The following ULK4 variants were observed in gnomAD, a reference collection of about 807,000 sequenced individuals.
ULK4 encodes unc-51 like kinase 4, also known as inactive serine/threonine-protein kinase ULK4.
Under a neutral mutation model 160.6 loss-of-function variants are expected in ULK4, and 133 were observed. The observed-to-expected ratio is 0.83, with a 90% CI of 0.72 to 0.96. The LOEUF is 0.96. ULK4 is among the 40% of genes least tolerant of loss of function. ULK4 has a pLI of 0.00. For synonymous variants in ULK4, 534 were observed against 539.8 expected (o/e 0.99, Z 0.15); for missense variants, 1,580 against 1,499.5 (o/e 1.05, Z -0.89).
intron 7 of ULK4, among the ~76,000 whole-genome samples, chr3:41,917,403 T>C (rs77047799): frequency 0.13 from 19,343 of 152,008 alleles, 1,405 homozygotes; most frequent in Middle Eastern, 0.27. Flanking sequence ...ACTTGGGAGG[T>C]TGACTGCACC....
chr3:41,442,089 A>G (rs1438563364), intron 34 of ULK4, among the ~76,000 whole-genome samples: 1 of 152,204 alleles, frequency 6.6e-6, no homozygotes, highest in Non-Finnish European at 1.5e-5. Context: ...TAAGCAGTAT[A>G]TAGTTGGGTC....
intron 27 of ULK4, among the ~76,000 whole-genome samples, chr3:41,694,285 CG>C (rs1330604036): frequency 6.6e-6 from 1 of 152,130 alleles, no homozygotes. Flanking sequence ...TACGTATAGC[CG>C]TCCCTCAGTA....
chr3:41,652,691 C>T (rs2125742217), intron 30 of ULK4, among the ~76,000 whole-genome samples: 1 of 152,268 alleles, frequency 6.6e-6, no homozygotes, highest in African/African-American at 2.4e-5. Flanking sequence ...CAGGCGGAAA[C>T]AGGAGAATCA....
intron 8 of ULK4, 47 bp downstream of exon 8, chr3:41,915,930 G>A (rs1698951695): frequency 1.5e-6 from 2 of 1,340,950 alleles, no homozygotes. Flanking sequence ...TACTCCATTT[G>A]CAGAACTCAA....
intron 21 of ULK4, among the ~76,000 whole-genome samples, chr3:41,772,422 T>C (rs2125921372): frequency 6.6e-6 from 1 of 151,966 alleles, no homozygotes; most frequent in Admixed American, 6.5e-5. Flanking sequence ...CAAACTACCA[T>C]CAGAGAATAC....
At chr3:41,721,350 A>C (rs796207032) in intron 22 of ULK4, among the ~76,000 whole-genome samples, 1 of 55,364 alleles carries the variant, frequency 1.8e-5, no homozygotes, top group Non-Finnish European at 3.1e-5. Flanking sequence ...ATATATATAT[A>C]TATATATATA....
At chr3:41,289,887 G>GTA (rs1371480227) in intron 35 of ULK4, among the ~76,000 whole-genome samples, 1 of 151,954 alleles carries the variant, frequency 6.6e-6, no homozygotes, top group African/African-American at 2.4e-5. Context: ...GTGTGTGTGT[G>GTA]TATGTGTGAC....
chr3:41,296,439 A>C (rs1191959465), intron 35 of ULK4, among the ~76,000 whole-genome samples: 2 of 152,278 alleles, frequency 1.3e-5, no homozygotes, highest in Non-Finnish European at 2.9e-5. Context: ...TGCGTGCTCG[A>C]GGCCACAGGC....
At chr3:41,292,375 T>G (rs2079584454) in intron 35 of ULK4, among the ~76,000 whole-genome samples, 1 of 152,180 alleles carries the variant, frequency 6.6e-6, no homozygotes, top group Non-Finnish European at 1.5e-5. Flanking sequence ...TTCAAGCCTC[T>G]GGGTCCAGTA....
At chr3:41,525,515 C>T (rs887151160) in intron 32 of ULK4, among the ~76,000 whole-genome samples, 3 of 152,292 alleles carry the variant, frequency 2.0e-5, no homozygotes, top group African/African-American at 7.2e-5. Context: ...AAGAGTGAGG[C>T]CTAGTCTCCC....
intron 35 of ULK4, among the ~76,000 whole-genome samples, chr3:41,290,178 C>T (rs1216827094): frequency 6.6e-6 from 1 of 152,074 alleles, no homozygotes; most frequent in Non-Finnish European, 1.5e-5. Context: ...CCCAGCCCAA[C>T]TTTATTTTGC....
intron 31 of ULK4, among the ~76,000 whole-genome samples, chr3:41,566,664 T>C (rs751388463): frequency 6.6e-6 from 1 of 152,186 alleles, no homozygotes; most frequent in Non-Finnish European, 1.5e-5. Context: ...AGGCAGTAAC[T>C]TAGGTCCTAA....
intron 30 of ULK4, among the ~76,000 whole-genome samples, chr3:41,627,519 C>A (rs1456128217): frequency 6.6e-6 from 1 of 152,234 alleles, no homozygotes; most frequent in African/African-American, 2.4e-5. Flanking sequence ...AAGGGATTCT[C>A]CATCTCCATC....
chr3:41,291,163 C>T (rs1270216266), intron 35 of ULK4, among the ~76,000 whole-genome samples: 1 of 152,028 alleles, frequency 6.6e-6, no homozygotes, highest in Non-Finnish European at 1.5e-5. Flanking sequence ...CTCCTGTCTT[C>T]AATTCCTTCC....
At chr3:41,808,270 T>C (rs1339000607) in intron 19 of ULK4, among the ~76,000 whole-genome samples, 5 of 152,364 alleles carry the variant, frequency 3.3e-5, no homozygotes, top group East Asian at 3.9e-4. Context: ...GAGCTATTTA[T>C]AGAAGCCTTC....
chr3:41,845,636 T>C lies in ULK4; in HGVS notation c.1657-9665A>G, dbSNP rs1300141447. On this transcript the variant is annotated intron_variant, in intron 17 of 36. Coordinates refer to ENST00000301831, the MANE Select transcript of ULK4 (RefSeq NM_017886.4). The stretch of plus-strand genomic sequence containing the variant: ...CAATGTCAATATTCTGGTTGTAAAA[T>C]TGTATTATACTTTTTTAAGACATTA... 5.3e-5 allele frequency among the ~76,000 whole-genome samples: 8 copies of C among 152,288 alleles called. No individual in the cohort carries two copies. The East Asian group carries it at 1.2e-3, about 22-fold the overall frequency.
At chr3:41,411,961 C>T (rs1179359754) in intron 34 of ULK4, among the ~76,000 whole-genome samples, 4 of 152,108 alleles carry the variant, frequency 2.6e-5, no homozygotes, top group African/African-American at 9.7e-5. Context: ...CACCCCCTAC[C>T]TGAAGCTCCA....
In ULK4 at chr3:41,737,244, T is replaced by G. The variant is rs905583706; in HGVS notation, c.2321+17117A>C. Among the ~76,000 whole-genome samples, 14 of 151,934 alleles carry G rather than the reference T, an allele frequency of 9.2e-5. 1 individual carries two copies. The highest frequency in any genetic ancestry group is 5.2e-4 in the Admixed American group (8 of 15,262). ...AACAGACAAACAGAGAGCCAAATCA[T>G]GAGTGAACTCCCATTCACAACTGCT... On this transcript the variant is annotated intron_variant, in intron 22 of 36. Transcript: ENST00000301831.
intron 34 of ULK4, among the ~76,000 whole-genome samples, chr3:41,406,533 G>A (rs900703669): frequency 6.6e-6 from 1 of 152,138 alleles, no homozygotes; most frequent in Admixed American, 6.6e-5. Context: ...GAATAGCGTT[G>A]AATCTGTAAA....
Sources: allele counts gnomAD v4.1 joint callset (sites outside exome capture counted in the v4.1 genomes callset), GRCh38; gene constraint gnomAD v4.1.1; transcripts MANE v1.5; gene names NCBI Gene and HGNC (gene_info 2026-07-23, HGNC 2026-07-21).